The following PLEKHA5 variants were observed in gnomAD, a reference collection of about 807,000 sequenced individuals.
The protein encoded by PLEKHA5 is pleckstrin homology domain containing A5.
PLEKHA5 carries 55 observed loss-of-function variants against 181.9 expected under a neutral mutation model. That is an observed-to-expected ratio of 0.30 (90% CI 0.24 to 0.38). The LOEUF (loss-of-function observed/expected upper bound fraction) is 0.38. Among genes scored for constraint, PLEKHA5 ranks in the 10% least tolerant of loss-of-function variants. The probability of loss-of-function intolerance (pLI) is 1.00; values close to 1 mark genes in which losing one functional copy is unlikely to be tolerated. For missense variants in PLEKHA5, 1,432 were observed against 1,549.5 expected (o/e 0.92, Z 1.27); for synonymous variants, 535 against 529.4 (o/e 1.01, Z -0.15).
chr12:19,197,716 GTGTGTGTGTGTGTGTGTT>G (rs879680637), intron 3 of PLEKHA5, among the ~76,000 whole-genome samples: 9,229 of 147,170 alleles, frequency 0.063, 433 homozygotes, highest in African/African-American at 0.12. Flanking sequence ...GTGTGTGTGT[GTGTGTGTGTGTGTGTGTT>G]TAAGTCGCCT....
chr12:19,287,056 G>A lies in PLEKHA5; in HGVS notation c.1780-417G>A, dbSNP rs576307695. Among the ~76,000 whole-genome samples, 3 of 152,114 alleles carry A rather than the reference G, an allele frequency of 2.0e-5. No individual in the cohort carries two copies. The East Asian group carries it at 5.8e-4, about 30-fold the overall frequency. On this transcript the variant is annotated intron_variant, in intron 12 of 31. Transcript: ENST00000429027. ...TCTGTTGCCCAGGCTGGAGTGCAGT[G>A]GTGCTATCTCGGCTCACTGCAACCT...
At chr12:19,302,172 G>A (rs1327999695) in intron 15 of PLEKHA5, among the ~76,000 whole-genome samples, 1 of 152,084 alleles carries the variant, frequency 6.6e-6, no homozygotes, top group African/African-American at 2.4e-5. Flanking sequence ...CTTTTCCGAA[G>A]AAGTCATTAA....
intron 25 of PLEKHA5, among the ~76,000 whole-genome samples, chr12:19,351,990 C>T (rs911777936): frequency 6.7e-5 from 10 of 150,062 alleles, no homozygotes; most frequent in South Asian, 2.1e-4. Context: ...GCAGGAGAAT[C>T]GCTTGAATGC....
chr12:19,169,162 A>G (rs1339463580), intron 3 of PLEKHA5, among the ~76,000 whole-genome samples: 2 of 152,126 alleles, frequency 1.3e-5, no homozygotes, highest in Non-Finnish European at 2.9e-5. Flanking sequence ...CTAATATTGT[A>G]GTTAGTTTAG....
chr12:19,314,617 T>C, intron 15 of PLEKHA5, 197 bp from the exon 16 acceptor site: 1 of 542,066 alleles, frequency 1.8e-6, no homozygotes. Flanking sequence ...TAGTTTTTTC[T>C]TGGAAGTATT....
At chr12:19,162,816 G>A (rs1210064513) in intron 3 of PLEKHA5, among the ~76,000 whole-genome samples, 2 of 152,154 alleles carry the variant, frequency 1.3e-5, no homozygotes, top group Non-Finnish European at 2.9e-5. Flanking sequence ...AAGTAAAGTG[G>A]TATAATTATG....
At chr12:19,150,968 C>G (rs540839153) in intron 3 of PLEKHA5, 1 of 152,306 alleles carries the variant, frequency 6.6e-6, no homozygotes, top group East Asian at 1.9e-4. Flanking sequence ...GACCAGAGAA[C>G]TCCCACAGGG....
At chr12:19,209,703 G>A (rs1271177397) in intron 3 of PLEKHA5, among the ~76,000 whole-genome samples, 1 of 152,218 alleles carries the variant, frequency 6.6e-6, no homozygotes, top group African/African-American at 2.4e-5. Flanking sequence ...GCTACCAAGA[G>A]GTGGAAGTGG....
intron 16 of PLEKHA5, among the ~76,000 whole-genome samples, chr12:19,316,822 C>A (rs1231440617): frequency 6.6e-6 from 1 of 152,126 alleles, no homozygotes; most frequent in African/African-American, 2.4e-5. Flanking sequence ...CTCCAGGTTT[C>A]CCTCATCATG....
At chr12:19,247,738 G>C (rs944324649) in intron 3 of PLEKHA5, among the ~76,000 whole-genome samples, 5 of 150,132 alleles carry the variant, frequency 3.3e-5, no homozygotes, top group Non-Finnish European at 7.4e-5. Flanking sequence ...TCAATTCCTT[G>C]GTATCTTTTC....
At chr12:19,306,487 C>T in intron 15 of PLEKHA5, 1 of 692,856 alleles carries the variant, frequency 1.4e-6, no homozygotes, top group East Asian at 3.1e-5. Flanking sequence ...TCCTCTTCCC[C>T]CTCCTTGCTG....
chr12:19,367,839 G>T (rs1222367724), intron 30 of PLEKHA5, among the ~76,000 whole-genome samples: 1 of 151,306 alleles, frequency 6.6e-6, no homozygotes, highest in East Asian at 1.9e-4. Flanking sequence ...GCCCGCCTCG[G>T]CCTCCCAAAG....
intron 21 of PLEKHA5, among the ~76,000 whole-genome samples, chr12:19,342,345 A>G (rs2093998423): frequency 6.6e-6 from 1 of 152,078 alleles, no homozygotes; most frequent in South Asian, 2.1e-4. Context: ...ACCTGAGGGC[A>G]TGATGTGGAA....
In PLEKHA5 at chr12:19,208,419, A is replaced by AAAG. The variant is rs1555107977; in HGVS notation, c.228-45520_228-45518dup. Among the ~76,000 whole-genome samples the AAAG allele has an allele frequency of 1.2e-3, 175 of 150,352 alleles. 2 individuals are homozygous for AAAG. Among genetic ancestry groups the AAAG allele is most frequent in the Admixed American group, 5.3e-3 (80 of 15,140 alleles). On this transcript the variant is annotated intron_variant, in intron 3 of 31. Transcript: ENST00000429027. ...AAAAACTCTGTCTCAAAAAAAAAAA[A>AAAG]AAGTTCATTTTTTCACTCGAATTTA...
intron 13 of PLEKHA5, among the ~76,000 whole-genome samples, chr12:19,290,447 A>ATGCCTTAATTTACTGTTGTTT: frequency 6.6e-6 from 1 of 152,270 alleles, no homozygotes; most frequent in Non-Finnish European, 1.5e-5. Context: ...TTCTGAGAAA[A>ATGCCTTAATTTACTGTTGTTT]TGCCTTAATT....
chr12:19,304,456 GT>G (rs2082555211), intron 15 of PLEKHA5, among the ~76,000 whole-genome samples: 1 of 152,136 alleles, frequency 6.6e-6, no homozygotes, highest in Non-Finnish European at 1.5e-5. Context: ...CAATATTTGT[GT>G]TTACTTAGTT....
chr12:19,319,998 C>A, intron 16 of PLEKHA5, 23 bp from the exon 17 acceptor site: 1 of 1,350,676 alleles, frequency 7.4e-7, no homozygotes, highest in Non-Finnish European at 1.0e-6. Context: ...TTAAACCCAT[C>A]CTTTTCCTTC....
At chr12:19,155,329 A>C (rs1229592735) in intron 3 of PLEKHA5, among the ~76,000 whole-genome samples, 1 of 152,224 alleles carries the variant, frequency 6.6e-6, no homozygotes, top group Admixed American at 6.5e-5. Flanking sequence ...TATGCTTCTG[A>C]ATCATGAACT....
chr12:19,334,213 A>AC (rs2093134307), intron 20 of PLEKHA5, among the ~76,000 whole-genome samples: 1 of 152,036 alleles, frequency 6.6e-6, no homozygotes. Context: ...GTTCCTACCC[A>AC]CCTGGTAATC....
Sources: allele counts gnomAD v4.1 joint callset (sites outside exome capture counted in the v4.1 genomes callset), GRCh38; gene constraint gnomAD v4.1.1; transcripts MANE v1.5; gene names NCBI Gene and HGNC (gene_info 2026-07-23, HGNC 2026-07-21).